Variants in RDX observed in about 807,000 individuals in gnomAD.
The protein encoded by RDX is deafness, autosomal recessive 24.
In RDX, 32 loss-of-function variants were observed where a neutral mutation model predicts 83.7. That is an observed-to-expected ratio of 0.38 (90% CI 0.29 to 0.51). The LOEUF (loss-of-function observed/expected upper bound fraction) is 0.51, where lower values mean the gene tolerates loss of function less well. Among genes scored for constraint, RDX ranks in the 20% least tolerant of loss-of-function variants. The pLI is 0.87. For missense variants in RDX, 600 were observed against 689.9 expected, an observed-to-expected ratio of 0.87 and a Z score of 1.46; for synonymous variants, 229 against 222.7, an observed-to-expected ratio of 1.03 and a Z score of -0.25.
chr11:110,178,074 G>C (rs149777457), intron 15 of RDX, among the ~76,000 whole-genome samples: 2 of 152,080 alleles, frequency 1.3e-5, no homozygotes, highest in African/African-American at 4.8e-5. Context: ...CCCCTGGCCC[G>C]TCTCACAGTA....
intron 14 of RDX, among the ~76,000 whole-genome samples, chr11:110,223,497 C>T (rs1446563206): frequency 6.6e-6 from 1 of 151,922 alleles, no homozygotes; most frequent in Admixed American, 6.6e-5. Flanking sequence ...CACTGCACTC[C>T]AGTCTGGGCA....
chr11:110,281,110 A>G (rs1388684016), intron 1 of RDX, among the ~76,000 whole-genome samples: 1 of 152,106 alleles, frequency 6.6e-6, no homozygotes, highest in Non-Finnish European at 1.5e-5. Context: ...GGTTGCAGTG[A>G]GCCGACATGG....
intron 3 of RDX, among the ~76,000 whole-genome samples, chr11:110,265,752 G>T (rs1174281471): frequency 6.6e-6 from 1 of 151,834 alleles, no homozygotes; most frequent in Admixed American, 6.6e-5. Flanking sequence ...ATGACTTATT[G>T]AACAATTTAT....
chr11:110,191,544 G>A (rs953907854), intron 15 of RDX, among the ~76,000 whole-genome samples: 1 of 152,210 alleles, frequency 6.6e-6, no homozygotes, highest in Admixed American at 6.5e-5. Flanking sequence ...ATTCAGCATA[G>A]TACTTGAAAC....
At chr11:110,220,390 C>G (rs1455019291) in intron 14 of RDX, among the ~76,000 whole-genome samples, 1 of 152,188 alleles carries the variant, frequency 6.6e-6, no homozygotes, top group African/African-American at 2.4e-5. Flanking sequence ...ACAACTCAGG[C>G]TCAAATGGCC....
intron 3 of RDX, among the ~76,000 whole-genome samples, chr11:110,265,511 T>C (rs1859999528): frequency 6.6e-6 from 1 of 151,462 alleles, no homozygotes; most frequent in Admixed American, 6.6e-5. Flanking sequence ...TATATATATA[T>C]ATATATATAG....
chr11:110,278,118 G>A (rs1282712738), intron 2 of RDX, among the ~76,000 whole-genome samples: 4 of 152,098 alleles, frequency 2.6e-5, no homozygotes, highest in Non-Finnish European at 5.9e-5. Flanking sequence ...GTATATGTGT[G>A]TTGGTGTATT....
intron 12 of RDX, among the ~76,000 whole-genome samples, chr11:110,234,016 A>T (rs1864742791): frequency 6.6e-6 from 1 of 152,160 alleles, no homozygotes; most frequent in African/African-American, 2.4e-5. Flanking sequence ...TATTTGGGTG[A>T]TCATATTATC....
At chr11:110,188,939 A>G (rs1476530686) in intron 15 of RDX, among the ~76,000 whole-genome samples, 2 of 152,136 alleles carry the variant, frequency 1.3e-5, no homozygotes, top group Non-Finnish European at 2.9e-5. Flanking sequence ...GCAACCGCAC[A>G]ATAGAAACTA....
chr11:110,235,067 T>C (rs1211934896), intron 12 of RDX, among the ~76,000 whole-genome samples: 4 of 152,194 alleles, frequency 2.6e-5, no homozygotes, highest in Admixed American at 2.0e-4. Flanking sequence ...GAAATCTCGG[T>C]GTCAGCTGCA....
rs559343072 is a variant in RDX, at chr11:110,209,577, T to C, written c.1749-9899A>G. On this transcript the variant is annotated intron_variant, in intron 14 of 15. Coordinates refer to the RDX transcript ENST00000528498. ...AAGACAGCAGTAACCTCTGCAGACT[T>C]AAATGTCCCTGTCTGACAGCTTTGA... is the stretch of plus-strand genomic sequence containing the variant. 2.0e-4 allele frequency among the ~76,000 whole-genome samples: 30 copies of C among 151,754 alleles called. 1 individual carries two copies. In the South Asian group the frequency reaches 4.8e-3, roughly 24 times the overall value.
intron 14 of RDX, among the ~76,000 whole-genome samples, chr11:110,212,331 T>C (rs1287765355): frequency 6.9e-6 from 1 of 145,476 alleles, no homozygotes; most frequent in Non-Finnish European, 1.5e-5. Flanking sequence ...GCTGAAATTG[T>C]GGCAATAATC....
intron 10 of RDX, among the ~76,000 whole-genome samples, chr11:110,242,229 G>C (rs1213342092): frequency 1.3e-5 from 2 of 152,110 alleles, no homozygotes; most frequent in African/African-American, 2.4e-5. Flanking sequence ...TAGGCGGGCG[G>C]ATCACATGAG....
chr11:110,273,089 T>C (rs1458158997), intron 2 of RDX: 3 of 456,130 alleles, frequency 6.6e-6, no homozygotes, highest in Admixed American at 2.3e-5. Context: ...TGTGGTGGCA[T>C]GTGCCTGTTA....
At chr11:110,294,223 C>T (rs1861354822) in intron 1 of RDX, among the ~76,000 whole-genome samples, 1 of 152,188 alleles carries the variant, frequency 6.6e-6, no homozygotes, top group Non-Finnish European at 1.5e-5. Context: ...GGCAAAACCC[C>T]GTCTCTACTA....
At chr11:110,272,995 G>A (rs1325932010) in intron 2 of RDX, 5 of 456,784 alleles carry the variant, frequency 1.1e-5, no homozygotes, top group Admixed American at 4.7e-5. Flanking sequence ...GGAAGGCCAA[G>A]GTGGGAGGAT....
intron 2 of RDX, among the ~76,000 whole-genome samples, chr11:110,277,654 T>C (rs1483165863): frequency 6.6e-6 from 1 of 152,030 alleles, no homozygotes; most frequent in Non-Finnish European, 1.5e-5. Context: ...TTGTGAAATA[T>C]CTGCTCAAAT....
At chr11:110,177,581 G>GCCT (rs1862801388) in intron 15 of RDX, among the ~76,000 whole-genome samples, 1 of 152,118 alleles carries the variant, frequency 6.6e-6, no homozygotes, top group African/African-American at 2.4e-5. Context: ...CATCACCTTT[G>GCCT]CCTCACCTTT....
intron 15 of RDX, among the ~76,000 whole-genome samples, chr11:110,193,206 G>A (rs572654673): frequency 3.4e-4 from 52 of 152,314 alleles, no homozygotes; most frequent in African/African-American, 1.2e-3. Context: ...ATGAGATCAT[G>A]TCCTTTACAG....
Sources: allele counts gnomAD v4.1 joint callset (sites outside exome capture counted in the v4.1 genomes callset), GRCh38; gene constraint gnomAD v4.1.1; transcripts MANE v1.5; gene names NCBI Gene and HGNC (gene_info 2026-07-23, HGNC 2026-07-21).